FCHSD2: variants seen among roughly 807,000 people sequenced by gnomAD.
FCHSD2 encodes the protein F-BAR and double SH3 domains protein 2.
Under a neutral mutation model 108.1 loss-of-function variants are expected in FCHSD2, and 38 were observed. That is an observed-to-expected ratio of 0.35 (90% CI 0.27 to 0.46). The LOEUF (loss-of-function observed/expected upper bound fraction) is 0.46, where lower values mean the gene tolerates loss of function less well. FCHSD2 is among the 20% of genes least tolerant of loss of function. The pLI is 1.00. For missense variants in FCHSD2, 751 were observed against 897.8 expected, an observed-to-expected ratio of 0.84 and a Z score of 2.09; for synonymous variants, 279 against 314.7, an observed-to-expected ratio of 0.89 and a Z score of 1.20.
intron 9 of FCHSD2, among the ~76,000 whole-genome samples, chr11:72,903,464 C>T (rs536318914): frequency 2.0e-5 from 3 of 152,120 alleles, no homozygotes; most frequent in African/African-American, 4.8e-5. Context: ...CGTGATCCAC[C>T]GGCCTCGGCC....
chr11:72,984,816 G>C (rs1407207532), intron 7 of FCHSD2, among the ~76,000 whole-genome samples: 2 of 152,210 alleles, frequency 1.3e-5, no homozygotes, highest in Non-Finnish European at 2.9e-5. Context: ...AAGACAACAG[G>C]CTGCCTAAGC....
intron 2 of FCHSD2, among the ~76,000 whole-genome samples, chr11:73,126,993 G>A (rs2135566710): frequency 6.6e-6 from 1 of 152,322 alleles, no homozygotes; most frequent in South Asian, 2.1e-4. Context: ...AGCCGAGATT[G>A]CACCACTGTG....
chr11:72,996,057 G>A (rs1286993829), intron 5 of FCHSD2, among the ~76,000 whole-genome samples: 2 of 152,150 alleles, frequency 1.3e-5, no homozygotes, highest in African/African-American at 4.8e-5. Flanking sequence ...TTGGGAGAAT[G>A]AGGATAAAAG....
At chr11:72,867,475 A>G (rs1471969107) in intron 13 of FCHSD2, among the ~76,000 whole-genome samples, 1 of 152,186 alleles carries the variant, frequency 6.6e-6, no homozygotes, top group Non-Finnish European at 1.5e-5. Context: ...TTCACTTAAG[A>G]TTTTGTGCAA....
At chr11:72,883,970 A>G (rs1004203897) in intron 12 of FCHSD2, among the ~76,000 whole-genome samples, 1 of 151,974 alleles carries the variant, frequency 6.6e-6, no homozygotes, top group African/African-American at 2.4e-5. Flanking sequence ...TGAGGTCATA[A>G]TAATACCCAA....
At chr11:73,019,605 G>T (rs576404050) in intron 3 of FCHSD2, among the ~76,000 whole-genome samples, 1 of 152,218 alleles carries the variant, frequency 6.6e-6, no homozygotes, top group South Asian at 2.1e-4. Flanking sequence ...CAAACAATGA[G>T]ATCTTTAGAT....
rs987072905 is a variant in FCHSD2 at position 72,984,226 on chromosome 11, A to G, written c.577-10T>C. ...ATCGCCGGGCTTTTAACTAAAACAT[A>G]GCAAAATAAAATAATCAGTGCAAAC... On this transcript the variant is annotated splice_polypyrimidine_tract_variant and intron_variant, in intron 7 of 19. Transcript: ENST00000409418. The G allele has an allele frequency of 9.3e-6, 15 of 1,613,576 alleles. No individual in the cohort carries two copies. The highest frequency in any genetic ancestry group is 1.2e-5 in the Non-Finnish European group (14 of 1,179,494).
intron 3 of FCHSD2, among the ~76,000 whole-genome samples, chr11:73,062,425 G>A (rs1021770624): frequency 1.3e-5 from 2 of 152,172 alleles, no homozygotes; most frequent in Non-Finnish European, 2.9e-5. Context: ...AACAAAACTG[G>A]ATGGAGAACG....
chr11:73,140,493 G>A (rs1861220475), intron 1 of FCHSD2, among the ~76,000 whole-genome samples: 1 of 152,184 alleles, frequency 6.6e-6, no homozygotes, highest in Non-Finnish European at 1.5e-5. Flanking sequence ...TAACCACCAG[G>A]AGAGGTGAGC....
chr11:73,006,446 G>A (rs562137374), intron 4 of FCHSD2, among the ~76,000 whole-genome samples: 1 of 152,234 alleles, frequency 6.6e-6, no homozygotes, highest in East Asian at 1.9e-4. Context: ...TTCCTCATTT[G>A]TCTATCATAT....
chr11:72,941,045 C>CAA, intron 8 of FCHSD2: 1 of 691,484 alleles, frequency 1.4e-6, no homozygotes, highest in East Asian at 2.5e-5. Context: ...TTCCACCATG[C>CAA]TATTGGTGGT....
chr11:73,137,095 C>A (rs1259085636), intron 2 of FCHSD2, among the ~76,000 whole-genome samples: 3 of 152,032 alleles, frequency 2.0e-5, no homozygotes, highest in Admixed American at 6.6e-5. Flanking sequence ...ATTCCACTTA[C>A]TAGGGCAGAC....
chr11:72,980,543 G>T (rs1857192599), intron 8 of FCHSD2, among the ~76,000 whole-genome samples: 1 of 151,892 alleles, frequency 6.6e-6, no homozygotes, highest in Admixed American at 6.6e-5. Context: ...AAATGGTTAG[G>T]ATAATGCCAA....
chr11:73,088,790 T>A (rs911332715), intron 2 of FCHSD2, among the ~76,000 whole-genome samples: 20 of 152,184 alleles, frequency 1.3e-4, no homozygotes, highest in Non-Finnish European at 2.4e-4. Flanking sequence ...TTTCACCATT[T>A]AAAAACCTCT....
intron 2 of FCHSD2, among the ~76,000 whole-genome samples, chr11:73,132,247 A>G (rs1861021031): frequency 6.6e-6 from 1 of 152,208 alleles, no homozygotes; most frequent in Non-Finnish European, 1.5e-5. Context: ...GAATAAGACA[A>G]CATTCTTCCT....
At position 73,071,594 on chromosome 11, in the gene FCHSD2, G is replaced by A. The variant is rs556490456; in HGVS notation, c.165+12101C>T. 1.4e-3 allele frequency among the ~76,000 whole-genome samples: 214 copies of A among 152,026 alleles called. 1 individual carries two copies. Among genetic ancestry groups the A allele is most frequent in the Middle Eastern group, 3.4e-3 (1 of 294 alleles). On this transcript the variant is annotated intron_variant, in intron 3 of 19. Transcript: ENST00000409418. ...TGTGTGCCCGTAGTCCCAACTACTC[G>A]GGGGGCTGAGGCAGGAGAATCGCTT...
intron 2 of FCHSD2, among the ~76,000 whole-genome samples, chr11:73,097,399 A>ATC (rs1860113129): frequency 6.8e-6 from 1 of 147,402 alleles, no homozygotes; most frequent in Non-Finnish European, 1.5e-5. Context: ...TTTTTTTTGC[A>ATC]TCTCTCTTCA....
At chr11:73,075,346 C>A (rs1405733410) in intron 3 of FCHSD2, among the ~76,000 whole-genome samples, 3 of 152,110 alleles carry the variant, frequency 2.0e-5, no homozygotes, top group South Asian at 4.1e-4. Context: ...CCAAAAGATA[C>A]ATATAAGAAT....
At chr11:73,087,287 TTG>T (rs760147433) in intron 2 of FCHSD2, among the ~76,000 whole-genome samples, 17 of 152,020 alleles carry the variant, frequency 1.1e-4, no homozygotes, top group Non-Finnish European at 2.1e-4. Context: ...TTTTATACAG[TTG>T]TACAATATGT....
Sources: gnomAD v4.1 joint callset for allele counts (sites outside exome capture counted in the v4.1 genomes callset) on GRCh38, gnomAD v4.1.1 for gene constraint, MANE v1.5 for transcripts, NCBI Gene and HGNC (gene_info 2026-07-23, HGNC 2026-07-21) for gene names.